HRC: variants seen among roughly 807,000 people sequenced by gnomAD.
HRC encodes the protein sarcoplasmic reticulum histidine-rich calcium-binding protein.
HRC carries 41 observed loss-of-function variants against 61.4 expected under a neutral mutation model. The observed-to-expected ratio is 0.67, with a 90% CI of 0.52 to 0.87. The LOEUF is 0.87. Among genes scored for constraint, HRC ranks in the 40% least tolerant of loss-of-function variants. HRC has a pLI of 0.00. For synonymous variants in HRC, 308 were observed against 326.6 expected, an observed-to-expected ratio of 0.94 and a Z score of 0.62; for missense variants, 839 against 885.8, an observed-to-expected ratio of 0.95 and a Z score of 0.67.
Position 49,154,349 on chromosome 19 carries a change from G to A in HRC, c.889C>T (p.His297Tyr), listed in dbSNP as rs1373107863. Residue 297 changes from histidine to tyrosine, a missense_variant, in exon 1 of 6, where the codon CAC becomes TAC. Physicochemically the swap from His to Tyr is moderately conservative, Grantham distance 83. Coordinates refer to ENST00000252825, the MANE Select transcript of HRC (RefSeq NM_002152.3). ...TTGTCATCTTCTTCATGGCTTCGGT[G>A]CCTGTGGCTGGGGTCGCGATGATGG... ...GHHHRDPSHR[H>Y]RSHEEDDNDD... 1.2e-6 allele frequency: 2 copies of A among 1,607,676 alleles called. No homozygotes were observed. The highest frequency in any genetic ancestry group is 4.5e-5 in the East Asian group (2 of 44,738).
At position 49,153,361 on chromosome 19, in the gene HRC, A is replaced by C. The variant is rs2041380023; in HGVS notation, c.1832-30T>G. On this transcript the variant is annotated intron_variant, in intron 1 of 5. Coordinates refer to ENST00000252825, the MANE Select transcript of HRC (RefSeq NM_002152.3). The surrounding 1 kb of genome is among the most constrained non-coding windows in gnomAD (Gnocchi z 4.8). ...GGGGACAGGAGGGCAGCAGTGACCCAGGCTGACTCGGTTCCTTCCCACCCA... is the reference window on the plus strand; with the variant it reads ...GGGGACAGGAGGGCAGCAGTGACCCCGGCTGACTCGGTTCCTTCCCACCCA... 1 of 1,611,828 alleles carries C rather than the reference A, an allele frequency of 6.2e-7. No homozygotes were observed. Among genetic ancestry groups the C allele is most frequent in the Non-Finnish European group, 8.5e-7 (1 of 1,177,970 alleles).
At position 49,151,204 on chromosome 19, in the gene HRC, G is replaced by T. The variant is rs1194554090; in HGVS notation, c.*92C>A. On this transcript the variant is annotated 3_prime_UTR_variant, in exon 6 of 6. Transcript: ENST00000252825. The stretch of plus-strand genomic sequence containing the variant: ...CCCACGTCTGACAATGAGGTTTCGG[G>T]GAGCACGTTTATTCGGAGAAATAAA... 3 of 1,151,228 alleles carry T rather than the reference G, an allele frequency of 2.6e-6. No individual in the cohort carries two copies. Among genetic ancestry groups the T allele is most frequent in the Non-Finnish European group, 3.7e-6 (3 of 815,148 alleles). 71.3% of individuals were successfully genotyped at this position (1,151,228 alleles called of 1,614,324 possible).
chr19:49,154,601 C>T lies in HRC; in HGVS notation c.637G>A (p.Ala213Thr), dbSNP rs1262832460. The T allele has an allele frequency of 1.2e-6, 2 of 1,603,986 alleles. No individual in the cohort carries two copies. Among genetic ancestry groups the T allele is most frequent in the East Asian group, 4.5e-5 (2 of 44,628 alleles). Residue 213 changes from alanine (A) to threonine (T), a missense_variant, in exon 1 of 6, where the codon GCC becomes ACC. Transcript: ENST00000252825. ...CTCCCATGGCCTCGGTGCCTGTGGG[C>T]CTGGTGTCCATACTCAGTGGAGGCC... Reference protein sequence around the residue: ...EEASTEYGHQAHRHRGHGSEE... With the variant: ...EEASTEYGHQTHRHRGHGSEE...
Position 49,154,630 on chromosome 19 carries a change from T to TC in HRC, c.607dup (p.Glu203GlyfsTer6). The TC allele has an allele frequency of 6.3e-7, 1 of 1,596,062 alleles. No homozygotes were observed. Among genetic ancestry groups the TC allele is most frequent in the Non-Finnish European group, 8.6e-7 (1 of 1,168,458 alleles). On this transcript the variant is annotated frameshift_variant, in exon 1 of 6. Transcript: ENST00000252825. LOFTEE classifies it high-confidence loss of function. ...GTGTCCATACTCAGTGGAGGCCTCCTCTTCCTCCTCCTCCTCCTCCTCCTC... is the reference window on the plus strand; with the variant it reads ...GTGTCCATACTCAGTGGAGGCCTCCTCCTTCCTCCTCCTCCTCCTCCTCCTC...
chr19:49,153,114 C>A lies in HRC; in HGVS notation c.1902+147G>T, dbSNP rs1032410497. On this transcript the variant is annotated intron_variant, in intron 2 of 5. Transcript: ENST00000252825. The surrounding 1 kb of genome is among the most constrained non-coding windows in gnomAD (Gnocchi z 4.8). The stretch of plus-strand genomic sequence containing the variant: ...AGCCTCCCAGCCTTCAGTCTGTCCT[C>A]ACCTCACATGCCTGCAGAAGGATCT... 1 of 684,314 alleles carries A rather than the reference C, an allele frequency of 1.5e-6. No individual in the cohort carries two copies. Among genetic ancestry groups the A allele is most frequent in the Non-Finnish European group, 2.7e-6 (1 of 374,856 alleles). The allele number at this position is 684,314 out of a possible 1,614,324, so 42.4% of individuals were successfully genotyped here.
Position 49,152,067 on chromosome 19 carries a change from G to C in HRC, c.1972-9C>G, listed in dbSNP as rs1176065746. The C allele has an allele frequency of 6.2e-7, 1 of 1,613,722 alleles. No homozygotes were observed. On this transcript the variant is annotated splice_polypyrimidine_tract_variant and intron_variant, in intron 3 of 5. Coordinates refer to ENST00000252825, the MANE Select transcript of HRC (RefSeq NM_002152.3). ...TAGCAGAACTGACAGTGCTGGAGGC[G>C]GGGACGGGGAGAGAGAGTGAGCGTG...
chr19:49,152,052 G>C lies in HRC; in HGVS notation c.1978C>G (p.Gln660Glu). Residue 660 changes from glutamine (Q) to glutamate (E), a missense_variant, in exon 4 of 6, where the codon CAG (glutamine) becomes GAG (glutamate). Coordinates refer to ENST00000252825, the MANE Select transcript of HRC (RefSeq NM_002152.3). ...ACCAGCGGGCAGAGATAGCAGAACT[G>C]ACAGTGCTGGAGGCGGGGACGGGGA... is the stretch of plus-strand genomic sequence containing the variant. Reference protein sequence around the residue: ...GEHCDQCQHCQFCYLCPLVCE... With the variant: ...GEHCDQCQHCEFCYLCPLVCE... 1 of 1,614,158 alleles carries C rather than the reference G, an allele frequency of 6.2e-7. No homozygotes were observed. Among genetic ancestry groups the C allele is most frequent in the Non-Finnish European group, 8.5e-7 (1 of 1,179,994 alleles).
rs751301815 is a variant in HRC at position 49,154,098 on chromosome 19, TTCTTCC to T, written c.1134_1139del (p.Glu381_Glu382del). On this transcript the variant is annotated inframe_deletion, in exon 1 of 6. Transcript: ENST00000252825. ...GGCCGAACTGGACTGTGATCTCCTC[TTCTTCC>T]TCTTCCTCATCTACAAGGCCATGGT... 46 of 1,614,208 alleles carry T rather than the reference TTCTTCC, an allele frequency of 2.8e-5. No individual in the cohort carries two copies. The African/African-American group carries it at 6.0e-4, about 21-fold the overall frequency.
intron 5 of HRC, 25 bp downstream of exon 5, chr19:49,151,492 A>G (rs999737545): frequency 1.2e-6 from 2 of 1,612,708 alleles, no homozygotes; most frequent in Non-Finnish European, 1.7e-6. Flanking sequence ...CGGGGCTTTT[A>G]CACGCTCCCC....
Position 49,153,994 on chromosome 19 carries a change from G to A in HRC, c.1244C>T (p.Pro415Leu), listed in dbSNP as rs1202506232. The A allele has an allele frequency of 1.9e-6, 3 of 1,613,584 alleles. No individual in the cohort carries two copies. The highest frequency in any genetic ancestry group is 2.2e-5 in the South Asian group (2 of 91,048). ...DFQDEYKTEV[P>L]HHHHHRVPRE... ...GGGGACTCTGTGGTGGTGATGGTGA[G>A]GGACTTCTGTTTTATACTCATCTTG... Residue 415 changes from proline to leucine, a missense_variant, in exon 1 of 6, where the codon CCT becomes CTT. By Grantham distance (98) the Pro-to-Leu change is moderately conservative (BLOSUM62 -3). Coordinates refer to ENST00000252825, the MANE Select transcript of HRC (RefSeq NM_002152.3). The surrounding 1 kb of genome is among the most constrained non-coding windows in gnomAD (Gnocchi z 4.8).
chr19:49,154,646 C>T lies in HRC; in HGVS notation c.592G>A (p.Glu198Lys), dbSNP rs2041404671. 6.2e-7 allele frequency: 1 copy of T among 1,604,250 alleles called. No homozygotes were observed. The highest frequency in any genetic ancestry group is 8.5e-7 in the Non-Finnish European group (1 of 1,172,548). The stretch of plus-strand genomic sequence containing the variant: ...GAGGCCTCCTCTTCCTCCTCCTCCT[C>T]CTCCTCCTCCTCTTCTCCTTCATCA... ...EDDEGEEEEEEEEEEEEASTE... is the reference protein window; with the variant it reads ...EDDEGEEEEEKEEEEEEASTE... The change falls in exon 1 of 6, where the codon GAG (glutamate) becomes AAG (lysine). Residue 198 changes from glutamate (E) to lysine (K), a missense_variant. Transcript: ENST00000252825.
In HRC at chr19:49,155,344, C is replaced by T. The variant is rs1455900013; in HGVS notation, c.-107G>A. ...GTCTCTTTTTTTCTCTGTGTCTCTC[C>T]TTTGTCCTTTCGGTCTCTGTCCACC... is the stretch of plus-strand genomic sequence containing the variant. On this transcript the variant is annotated 5_prime_UTR_variant, in exon 1 of 6. Coordinates refer to ENST00000252825, the MANE Select transcript of HRC (RefSeq NM_002152.3). The surrounding 1 kb of genome is among the most constrained non-coding windows in gnomAD (Gnocchi z 4.7). 6.4e-6 allele frequency: 9 copies of T among 1,405,386 alleles called. No individual in the cohort carries two copies. Among genetic ancestry groups the T allele is most frequent in the Non-Finnish European group, 8.4e-6 (9 of 1,071,420 alleles). 87.1% of individuals were successfully genotyped at this position (1,405,386 alleles called of 1,614,324 possible).
chr19:49,154,073 G>A lies in HRC; in HGVS notation c.1165C>T (p.His389Tyr), dbSNP rs1342983460. 1.2e-6 allele frequency: 2 copies of A among 1,614,022 alleles called. No individual in the cohort carries two copies. Among genetic ancestry groups the A allele is most frequent in the African/African-American group, 1.3e-5 (1 of 74,906 alleles). ...CGAGGTTGGTGGCTTGCAACATAGTGGCCGAACTGGACTGTGATCTCCTCT... is the reference window on the plus strand; with the variant it reads ...CGAGGTTGGTGGCTTGCAACATAGTAGCCGAACTGGACTGTGATCTCCTCT... ...EEEEITVQFG[H>Y]YVASHQPRGH... The change falls in exon 1 of 6, where the codon CAC (histidine) becomes TAC (tyrosine). Residue 389 changes from histidine (H) to tyrosine (Y), a missense_variant. Coordinates refer to ENST00000252825, the MANE Select transcript of HRC (RefSeq NM_002152.3).
chr19:49,152,152 G>A, intron 3 of HRC, 94 bp from the exon 4 acceptor site: 2 of 1,328,868 alleles, frequency 1.5e-6, no homozygotes, highest in Middle Eastern at 1.8e-4. Flanking sequence ...CAGAGGCTAG[G>A]TCTAGGTTAA....
chr19:49,153,291 C>A lies in HRC; in HGVS notation c.1872G>T (p.Gly624=). The change falls in exon 2 of 6, where the codon GGG becomes GGT. Residue 624 remains glycine, a synonymous_variant. Transcript: ENST00000252825. The surrounding 1 kb of genome is among the most constrained non-coding windows in gnomAD (Gnocchi z 4.8). ...DAQEYGNYQP[G]SLCGYCSFCN... ...AGAAGGAGCAGTAGCCACACAGGGA[C>A]CCTGGCTGGTAGTTCCCATACTCCT... The A allele has an allele frequency of 6.2e-7, 1 of 1,613,936 alleles. No homozygotes were observed. Among genetic ancestry groups the A allele is most frequent in the Non-Finnish European group, 8.5e-7 (1 of 1,179,862 alleles).
chr19:49,152,458 C>T, intron 2 of HRC, 80 bp from the exon 3 acceptor site: 1 of 1,160,896 alleles, frequency 8.6e-7, no homozygotes, highest in South Asian at 1.4e-5. Context: ...CCCCTGCACC[C>T]TGGACGCTTC....
In HRC at chr19:49,153,743, C is replaced by A; in HGVS notation, c.1495G>T (p.Asp499Tyr). The A allele has an allele frequency of 6.2e-7, 1 of 1,614,192 alleles. No individual in the cohort carries two copies. The highest frequency in any genetic ancestry group is 8.5e-7 in the Non-Finnish European group (1 of 1,180,042). Residue 499 changes from aspartate (D) to tyrosine (Y), a missense_variant, in exon 1 of 6, where the codon GAT (aspartate) becomes TAT (tyrosine). Coordinates refer to ENST00000252825, the MANE Select transcript of HRC (RefSeq NM_002152.3). This position sits in a 1 kb window ranked among gnomAD's most constrained non-coding sequence, Gnocchi z 4.8. ...TTCTCTCCCTGCTCTGAACTTTCATCGTCTTCCTCATGGGAGCCGGGGTCC... is the reference window on the plus strand; with the variant it reads ...TTCTCTCCCTGCTCTGAACTTTCATAGTCTTCCTCATGGGAGCCGGGGTCC... ...EEDPGSHEED[D>Y]ESSEQGEKGT...
At chr19:49,151,634 T>C in intron 4 of HRC, 81 bp from the exon 5 acceptor site, 1 of 1,208,442 alleles carries the variant, frequency 8.3e-7, no homozygotes, top group South Asian at 1.2e-5. Context: ...CGTGCGAGAT[T>C]AGTGCTAGCT....
At position 49,154,567 on chromosome 19, in the gene HRC, T is replaced by C. The variant is rs2041402304; in HGVS notation, c.671A>G (p.Asp224Gly). The change falls in exon 1 of 6, where the codon GAT becomes GGT. Residue 224 changes from aspartate (D) to glycine (G), a missense_variant. Transcript: ENST00000252825. The stretch of plus-strand genomic sequence containing the variant: ...ATGGTGTCCATCTGAGACATCCTCA[T>C]CCTCTTCACTCCCATGGCCTCGGTG... ...HRHRGHGSEE[D>G]EDVSDGHHHH... The C allele has an allele frequency of 1.9e-6, 3 of 1,612,492 alleles. No homozygotes were observed. The highest frequency in any genetic ancestry group is 2.5e-6 in the Non-Finnish European group (3 of 1,179,548).
Sources: allele counts gnomAD v4.1 joint callset, GRCh38; gene constraint gnomAD v4.1.1; non-coding constraint Gnocchi (gnomAD v3.1); transcripts MANE v1.5; gene names NCBI Gene and HGNC (gene_info 2026-07-23, HGNC 2026-07-21).